The following HS6ST2 variants were observed in gnomAD, a reference collection of about 807,000 sequenced individuals.
The protein encoded by HS6ST2 is heparan-sulfate 6-O-sulfotransferase 2.
In HS6ST2, 17 loss-of-function variants were observed where a neutral mutation model predicts 33.0. The ratio of observed to expected loss-of-function variants is 0.52; its 90% CI spans 0.35 to 0.77. HS6ST2 has a LOEUF of 0.77. Ranked by LOEUF, HS6ST2 falls within the 30% of genes least tolerant of loss-of-function variation. HS6ST2 has a pLI of 0.01. For missense variants in HS6ST2, 519 were observed against 551.7 expected, an observed-to-expected ratio of 0.94 and a Z score of 0.59; for synonymous variants, 248 against 237.1, an observed-to-expected ratio of 1.05 and a Z score of -0.42.
intron 2 of HS6ST2, among the ~76,000 whole-genome samples, chrX:132,845,004 T>C (rs2065738702): frequency 9.2e-6 from 1 of 109,027 alleles, no homozygotes; most frequent in Admixed American, 9.9e-5. Flanking sequence ...TAGAATATTC[T>C]GGGTGCTGTG....
intron 3 of HS6ST2, among the ~76,000 whole-genome samples, chrX:132,683,183 A>G (rs2063987845): frequency 9.0e-6 from 1 of 110,984 alleles, no homozygotes; most frequent in African/African-American, 3.3e-5. Context: ...TTCTCTACTC[A>G]TCCTTTGTAT....
In HS6ST2 at chrX:132,734,893, CAG is replaced by C. The variant is rs750481955; in HGVS notation, c.948-26401_948-26400del. On this transcript the variant is annotated intron_variant, in intron 2 of 4. Transcript: ENST00000370833. ...TGAATGAGAACAGAAAGAGCAATGA[CAG>C]AGAGATCTGCAAAGATACAGTATGT... Among the ~76,000 whole-genome samples the C allele has an allele frequency of 3.7e-5, 4 of 108,692 alleles. No homozygotes were observed. The East Asian group carries it at 1.1e-3, about 31-fold the overall frequency. 94.4% of individuals were successfully genotyped at this position (108,692 alleles called of 115,157 possible).
chrX:132,708,121 G>T (rs1297888817), intron 3 of HS6ST2, among the ~76,000 whole-genome samples: 1 of 108,220 alleles, frequency 9.2e-6, no homozygotes, highest in Non-Finnish European at 1.9e-5. Context: ...CAACGGTTGG[G>T]GTCTTCTCAA....
chrX:132,647,559 A>G (rs981995957), intron 4 of HS6ST2, among the ~76,000 whole-genome samples: 2 of 111,782 alleles, frequency 1.8e-5, no homozygotes, highest in Non-Finnish European at 3.8e-5. Context: ...AGAGTCCCAA[A>G]ACTCCTAGGC....
At chrX:132,743,450 T>C (rs950779059) in intron 2 of HS6ST2, among the ~76,000 whole-genome samples, 3 of 112,415 alleles carry the variant, frequency 2.7e-5, no homozygotes, top group African/African-American at 9.7e-5. Context: ...TGACTAGCAC[T>C]AAGGAAATTG....
At chrX:132,952,444 C>T (rs571746200) in intron 2 of HS6ST2, among the ~76,000 whole-genome samples, 1 of 111,145 alleles carries the variant, frequency 9.0e-6, no homozygotes, top group South Asian at 3.8e-4. Flanking sequence ...TGCTTAATGC[C>T]TCAGCCTATA....
intron 2 of HS6ST2, among the ~76,000 whole-genome samples, chrX:132,813,736 C>T (rs777957669): frequency 1.4e-4 from 14 of 103,092 alleles, no homozygotes; most frequent in Admixed American, 1.0e-3. Context: ...TCTCCATTAC[C>T]ACGCCCCTAG....
chrX:132,823,117 T>A (rs2065476092), intron 2 of HS6ST2, among the ~76,000 whole-genome samples: 1 of 112,240 alleles, frequency 8.9e-6, no homozygotes, highest in South Asian at 3.7e-4. Flanking sequence ...GCCTTTAATA[T>A]ACGAACGAAC....
intron 2 of HS6ST2, among the ~76,000 whole-genome samples, chrX:132,946,934 CT>C (rs1242387227): frequency 9.9e-5 from 11 of 111,577 alleles, no homozygotes; most frequent in Non-Finnish European, 1.7e-4. Context: ...GAGTTCTTCA[CT>C]TTTGTATGTC....
intron 2 of HS6ST2, among the ~76,000 whole-genome samples, chrX:132,845,342 G>T (rs2065742546): frequency 9.0e-6 from 1 of 110,535 alleles, no homozygotes; most frequent in African/African-American, 3.3e-5. Context: ...GAAATGTAAA[G>T]CTTAGCTTTC....
intron 2 of HS6ST2, among the ~76,000 whole-genome samples, chrX:132,888,775 A>G (rs2148449205): frequency 9.0e-6 from 1 of 111,246 alleles, no homozygotes; most frequent in Admixed American, 9.6e-5. Context: ...AAGCGCTGGG[A>G]TTACAGGTGT....
intron 2 of HS6ST2, among the ~76,000 whole-genome samples, chrX:132,765,717 C>T (rs1438115088): frequency 8.9e-6 from 1 of 112,048 alleles, no homozygotes. Flanking sequence ...TCCCAAAGTG[C>T]TGGGATTAGA....
chrX:132,672,508 C>T (rs937429275), intron 3 of HS6ST2, among the ~76,000 whole-genome samples: 4 of 111,632 alleles, frequency 3.6e-5, no homozygotes, highest in African/African-American at 1.3e-4. Flanking sequence ...TCTACCTCAC[C>T]TGAGTAGCTA....
At chrX:132,715,035 T>C (rs764088497) in intron 2 of HS6ST2, among the ~76,000 whole-genome samples, 1 of 112,141 alleles carries the variant, frequency 8.9e-6, no homozygotes, top group East Asian at 2.8e-4. Flanking sequence ...TGCTGGCAAA[T>C]CATTTCGGTA....
chrX:132,791,496 A>G (rs1339093712), intron 2 of HS6ST2, among the ~76,000 whole-genome samples: 2 of 112,127 alleles, frequency 1.8e-5, no homozygotes, highest in East Asian at 5.6e-4. Flanking sequence ...TTAACAAAAG[A>G]TATCTATGTC....
chrX:132,655,870 G>T (rs1603292893), intron 4 of HS6ST2, among the ~76,000 whole-genome samples: 1 of 111,486 alleles, frequency 9.0e-6, no homozygotes, highest in African/African-American at 3.3e-5. Flanking sequence ...ACCTCCTAAT[G>T]ACATTTAAAT....
At chrX:132,858,018 A>AT (rs1359405383) in intron 2 of HS6ST2, among the ~76,000 whole-genome samples, 1 of 112,137 alleles carries the variant, frequency 8.9e-6, no homozygotes, top group Non-Finnish European at 1.9e-5. Context: ...TCTTGGGACC[A>AT]TCTCAGTTGC....
chrX:132,703,226 T>A (rs2064159633), intron 3 of HS6ST2, among the ~76,000 whole-genome samples: 1 of 112,221 alleles, frequency 8.9e-6, no homozygotes, highest in Non-Finnish European at 1.9e-5. Flanking sequence ...TCTCTAGGTT[T>A]ACTGATGCAA....
chrX:132,883,371 C>T (rs932040762), intron 2 of HS6ST2, among the ~76,000 whole-genome samples: 3 of 111,012 alleles, frequency 2.7e-5, no homozygotes, highest in Admixed American at 1.9e-4. Flanking sequence ...GTGTATGTGT[C>T]CAAGAATTTA....
Sources: allele counts gnomAD v4.1 joint callset (sites outside exome capture counted in the v4.1 genomes callset), GRCh38; gene constraint gnomAD v4.1.1; transcripts MANE v1.5; gene names NCBI Gene and HGNC (gene_info 2026-07-23, HGNC 2026-07-21).